The following WDPCP variants were observed in gnomAD, a reference collection of about 807,000 sequenced individuals.
WDPCP encodes the protein WD repeat containing planar cell polarity effector.
A neutral mutation model predicts 93.1 loss-of-function variants in WDPCP; 71 were observed. That is an observed-to-expected ratio of 0.76 (90% CI 0.63 to 0.93). WDPCP has a LOEUF of 0.93. WDPCP is among the 40% of genes least tolerant of loss of function. The probability of loss-of-function intolerance (pLI) is 0.00; values close to 1 mark genes in which losing one functional copy is unlikely to be tolerated. For synonymous variants in WDPCP, 315 were observed against 315.0 expected (o/e 1.00, Z 0.00); for missense variants, 844 against 887.4 (o/e 0.95, Z 0.62).
intron 13 of WDPCP, among the ~76,000 whole-genome samples, chr2:63,283,326 A>G (rs1247456740): frequency 1.3e-5 from 2 of 152,190 alleles, no homozygotes; most frequent in Non-Finnish European, 2.9e-5. Flanking sequence ...TTACAGGTGC[A>G]TGCCACCACA....
At chr2:63,642,067 T>C (rs2106634449) in intron 3 of WDPCP, among the ~76,000 whole-genome samples, 1 of 152,292 alleles carries the variant, frequency 6.6e-6, no homozygotes, top group Non-Finnish European at 1.5e-5. Flanking sequence ...ATATATGTTC[T>C]TGGCACCTTT....
chr2:63,167,118 T>C (rs1387248979), intron 15 of WDPCP, among the ~76,000 whole-genome samples: 2 of 152,222 alleles, frequency 1.3e-5, no homozygotes, highest in African/African-American at 2.4e-5. Context: ...TAAAGTTTTA[T>C]TGGACCACAG....
At chr2:63,223,755 A>G (rs1390658667) in intron 14 of WDPCP, among the ~76,000 whole-genome samples, 1 of 152,102 alleles carries the variant, frequency 6.6e-6, no homozygotes, top group Non-Finnish European at 1.5e-5. Flanking sequence ...TTTTAATCAC[A>G]TAGATATCCA....
intron 13 of WDPCP, among the ~76,000 whole-genome samples, chr2:63,269,849 C>T (rs1247379238): frequency 1.3e-5 from 2 of 152,140 alleles, no homozygotes; most frequent in African/African-American, 2.4e-5. Flanking sequence ...AAACCCTGGT[C>T]AAAGTTGCCT....
intron 6 of WDPCP, among the ~76,000 whole-genome samples, chr2:63,443,486 C>G (rs1246451675): frequency 1.3e-5 from 2 of 152,086 alleles, no homozygotes; most frequent in Non-Finnish European, 2.9e-5. Flanking sequence ...GGCAATGTGC[C>G]TAGGCTGATT....
chr2:63,489,490 T>A (rs892520193), intron 2 of WDPCP, among the ~76,000 whole-genome samples: 1 of 152,134 alleles, frequency 6.6e-6, no homozygotes, highest in African/African-American at 2.4e-5. Flanking sequence ...AGAACTTGGC[T>A]TCTAGAACCC....
At chr2:63,755,346 T>C (rs575659029) in intron 2 of WDPCP, among the ~76,000 whole-genome samples, 1 of 152,320 alleles carries the variant, frequency 6.6e-6, no homozygotes, top group African/African-American at 2.4e-5. Context: ...TTGCATTCCA[T>C]TGGAGTACAC....
intron 3 of WDPCP, among the ~76,000 whole-genome samples, chr2:63,597,016 A>C (rs1709326763): frequency 6.6e-6 from 1 of 152,234 alleles, no homozygotes; most frequent in African/African-American, 2.4e-5. Flanking sequence ...TTGGTGTCTT[A>C]GACCTTAAAG....
intron 6 of WDPCP, among the ~76,000 whole-genome samples, chr2:63,451,138 A>G (rs901104318): frequency 6.6e-6 from 1 of 151,986 alleles, no homozygotes; most frequent in Non-Finnish European, 1.5e-5. Context: ...AAATTTACCA[A>G]AGAGAGAAAT....
chr2:63,198,881 G>A (rs1384081578), intron 14 of WDPCP, among the ~76,000 whole-genome samples: 3 of 152,136 alleles, frequency 2.0e-5, no homozygotes, highest in African/African-American at 7.2e-5. Context: ...GAAGAAGACA[G>A]GAAGATGAGG....
chr2:63,732,346 G>A (rs1558897284), intron 2 of WDPCP, among the ~76,000 whole-genome samples: 1 of 152,170 alleles, frequency 6.6e-6, no homozygotes, highest in Non-Finnish European at 1.5e-5. Context: ...AACTGCTGGA[G>A]ACTAAGCTTC....
chr2:63,167,991 C>G (rs1027715616), intron 15 of WDPCP, among the ~76,000 whole-genome samples: 1 of 151,376 alleles, frequency 6.6e-6, no homozygotes, highest in African/African-American at 2.4e-5. Flanking sequence ...TGACACATGC[C>G]TGTTGTCCCA....
intron 17 of WDPCP, among the ~76,000 whole-genome samples, chr2:63,136,165 ACTCT>A (rs1172352574): frequency 6.6e-6 from 1 of 151,750 alleles, no homozygotes; most frequent in African/African-American, 2.4e-5. Flanking sequence ...TACTTGAATT[ACTCT>A]CTCTCTCTCT....
chr2:63,776,855 C>G (rs1670312180), intron 2 of WDPCP, among the ~76,000 whole-genome samples: 1 of 151,624 alleles, frequency 6.6e-6, no homozygotes. Context: ...TAAGCCAGAC[C>G]CAGAAAGACA....
chr2:63,325,244 C>G (rs1176054196), intron 12 of WDPCP, among the ~76,000 whole-genome samples: 2 of 152,138 alleles, frequency 1.3e-5, no homozygotes, highest in Non-Finnish European at 2.9e-5. Flanking sequence ...TCTGGTAGGG[C>G]TTGTTATCAG....
At chr2:63,289,238 T>C (rs565914984) in intron 13 of WDPCP, among the ~76,000 whole-genome samples, 10 of 152,256 alleles carry the variant, frequency 6.6e-5, no homozygotes, top group African/African-American at 2.2e-4. Context: ...ATTATCACTA[T>C]GATGTTTGCC....
At chr2:63,144,259 T>TTTTTA (rs58606765) in intron 17 of WDPCP, among the ~76,000 whole-genome samples, 7,660 of 147,908 alleles carry the variant, frequency 0.052, 217 homozygotes, top group Non-Finnish European at 0.065. Flanking sequence ...GCATTTACCC[T>TTTTTA]TTTTATTTTA....
At chr2:63,450,869 C>CA (rs34856625) in intron 6 of WDPCP, among the ~76,000 whole-genome samples, 27,339 of 151,938 alleles carry the variant, frequency 0.18, 3,174 homozygotes, top group Non-Finnish European at 0.23. Flanking sequence ...AAAACAAATT[C>CA]AAAAAACTGG....
chr2:63,504,969 T>C (rs1166607424), intron 1 of WDPCP, among the ~76,000 whole-genome samples: 3 of 152,058 alleles, frequency 2.0e-5, no homozygotes, highest in Non-Finnish European at 4.4e-5. Context: ...GGCCGATTGG[T>C]CAATAAATTA....
Sources: gnomAD v4.1 joint callset for allele counts (sites outside exome capture counted in the v4.1 genomes callset) on GRCh38, gnomAD v4.1.1 for gene constraint, MANE v1.5 for transcripts, NCBI Gene and HGNC (gene_info 2026-07-23, HGNC 2026-07-21) for gene names.